The following CHST11 variants were observed in gnomAD, a reference collection of about 807,000 sequenced individuals.
CHST11 encodes C4S-1.
In CHST11, 9 loss-of-function variants were observed where a neutral mutation model predicts 30.4. The observed-to-expected ratio is 0.30, with a 90% CI of 0.18 to 0.52. The LOEUF (loss-of-function observed/expected upper bound fraction) is 0.52, where lower values mean the gene tolerates loss of function less well. CHST11 is among the 20% of genes least tolerant of loss of function. The pLI, the probability that CHST11 is intolerant of heterozygous loss-of-function variation, is 0.97. For synonymous variants in CHST11, 152 were observed against 187.8 expected, an observed-to-expected ratio of 0.81 and a Z score of 1.56; for missense variants, 348 against 460.6, an observed-to-expected ratio of 0.76 and a Z score of 2.24.
chr12:104,532,196 C>T (rs1160115193), intron 1 of CHST11, among the ~76,000 whole-genome samples: 2 of 152,176 alleles, frequency 1.3e-5, no homozygotes, highest in African/African-American at 4.8e-5. Flanking sequence ...TTGAAGTTGC[C>T]CATGTCATGG....
chr12:104,545,631 A>G (rs768233082), intron 1 of CHST11, among the ~76,000 whole-genome samples: 1 of 152,200 alleles, frequency 6.6e-6, no homozygotes, highest in Non-Finnish European at 1.5e-5. Context: ...GCTGTAACAA[A>G]CAAAGGCACG....
At chr12:104,619,381 CA>C (rs2136059262) in intron 2 of CHST11, among the ~76,000 whole-genome samples, 1 of 152,228 alleles carries the variant, frequency 6.6e-6, no homozygotes, top group South Asian at 2.1e-4. Flanking sequence ...ATTTTCCGGA[CA>C]CACACAAAAA....
At chr12:104,472,181 C>T (rs913208392) in intron 1 of CHST11, among the ~76,000 whole-genome samples, 1 of 147,456 alleles carries the variant, frequency 6.8e-6, no homozygotes, top group Non-Finnish European at 1.5e-5. Context: ...AGTTATGTTG[C>T]CCAGGCTGGT....
At chr12:104,755,913 C>T (rs114321177) in intron 2 of CHST11, among the ~76,000 whole-genome samples, 3 of 62,964 alleles carry the variant, frequency 4.8e-5, no homozygotes, top group Non-Finnish European at 7.7e-5. Context: ...TTCTCGGGAC[C>T]CCCCCCTCCG....
intron 1 of CHST11, chr12:104,514,223 A>G: frequency 2.3e-6 from 2 of 883,264 alleles, no homozygotes; most frequent in Admixed American, 3.4e-5. Flanking sequence ...ACATTGACAC[A>G]GCAGCCAAGT....
chr12:104,661,957 T>A (rs559214113), intron 2 of CHST11, among the ~76,000 whole-genome samples: 366 of 152,368 alleles, frequency 2.4e-3, no homozygotes, highest in African/African-American at 8.4e-3. Context: ...AAGAAGATGT[T>A]ACTTTTAATT....
chr12:104,614,681 G>A (rs924764977), intron 2 of CHST11, among the ~76,000 whole-genome samples: 3 of 136,562 alleles, frequency 2.2e-5, no homozygotes, highest in Admixed American at 7.6e-5. Flanking sequence ...GCATGTGTGT[G>A]TGCATGCATG....
intron 2 of CHST11, among the ~76,000 whole-genome samples, chr12:104,756,255 G>A (rs536667936): frequency 1.0e-3 from 159 of 152,370 alleles, no homozygotes; most frequent in African/African-American, 3.7e-3. Flanking sequence ...TGCTGGAGAC[G>A]CAGGTGGTGG....
At chr12:104,609,262 G>C (rs1197709250) in intron 2 of CHST11, among the ~76,000 whole-genome samples, 1 of 152,212 alleles carries the variant, frequency 6.6e-6, no homozygotes, top group Non-Finnish European at 1.5e-5. Context: ...TAATTGATTT[G>C]GTTGTAGACC....
intron 2 of CHST11, among the ~76,000 whole-genome samples, chr12:104,736,144 G>A (rs994376332): frequency 1.3e-5 from 2 of 152,168 alleles, no homozygotes; most frequent in African/African-American, 4.8e-5. Context: ...AATGTCCAAC[G>A]GGAAGGTGAG....
chr12:104,507,110 C>G (rs1282385705), intron 1 of CHST11, among the ~76,000 whole-genome samples: 1 of 152,188 alleles, frequency 6.6e-6, no homozygotes, highest in Non-Finnish European at 1.5e-5. Flanking sequence ...AGGGTCTGAG[C>G]TGTGACGGTT....
intron 2 of CHST11, among the ~76,000 whole-genome samples, chr12:104,671,433 C>T (rs1375615787): frequency 6.6e-6 from 1 of 152,200 alleles, no homozygotes; most frequent in Non-Finnish European, 1.5e-5. Context: ...AGGAGAGCCA[C>T]ATCAAGTGCT....
chr12:104,618,474 G>A (rs1042969735), intron 2 of CHST11, among the ~76,000 whole-genome samples: 2 of 150,932 alleles, frequency 1.3e-5, no homozygotes, highest in East Asian at 3.9e-4. Context: ...GGGTCAAGTA[G>A]TTCTCCTGCG....
At position 104,761,927 on chromosome 12, in the gene CHST11, G is replaced by A. The variant is rs1227744505; in HGVS notation, c.*4124G>A. On this transcript the variant is annotated 3_prime_UTR_variant, in exon 3 of 3. Coordinates refer to ENST00000303694, the MANE Select transcript of CHST11 (RefSeq NM_018413.6). The stretch of plus-strand genomic sequence containing the variant: ...AATTCCACATTGCCAACAAAAGCGT[G>A]AAAATGTTCATGAACCTTCCTCCAG... 6.6e-6 allele frequency: 1 copy of A among 152,194 alleles called. No homozygotes were observed. The highest frequency in any genetic ancestry group is 1.5e-5 in the Non-Finnish European group (1 of 68,050). The allele number at this position is 152,194 out of a possible 1,614,324, so 9.4% of individuals were successfully genotyped here.
chr12:104,592,841 G>C (rs888074754), intron 1 of CHST11, among the ~76,000 whole-genome samples: 2 of 152,186 alleles, frequency 1.3e-5, no homozygotes, highest in African/African-American at 2.4e-5. Context: ...TAGGCATGCT[G>C]TCTGGGCATG....
chr12:104,489,680 G>C (rs1490614328), intron 1 of CHST11, among the ~76,000 whole-genome samples: 1 of 151,120 alleles, frequency 6.6e-6, no homozygotes, highest in Non-Finnish European at 1.5e-5. Flanking sequence ...GGCCAGGATG[G>C]TCTCAATCTC....
rs145050930 is a variant in CHST11, at chr12:104,691,512, G to A, written c.205-65437G>A. The stretch of plus-strand genomic sequence containing the variant: ...CAATTTTTTTTTTTTTTTTTGAGAT[G>A]GAGTCTCACTCTGTCGCTAGGCTGG... On this transcript the variant is annotated intron_variant, in intron 2 of 2. Coordinates refer to ENST00000303694, the MANE Select transcript of CHST11 (RefSeq NM_018413.6). Among the ~76,000 whole-genome samples the A allele has an allele frequency of 6.5e-3, 923 of 143,042 alleles. 8 individuals carry two copies. The highest frequency in any genetic ancestry group is 0.024 in the African/African-American group (891 of 37,424). The allele number at this position is 143,042 out of a possible 152,430, so 93.8% of individuals were successfully genotyped here. A position where few individuals can be genotyped will look rare whatever the true frequency, so the allele number is the denominator to read the frequency against.
chr12:104,544,565 G>T (rs1199002666), intron 1 of CHST11, among the ~76,000 whole-genome samples: 1 of 151,792 alleles, frequency 6.6e-6, no homozygotes, highest in African/African-American at 2.4e-5. Flanking sequence ...AAATTAGCTG[G>T]GTGTCATGGC....
At chr12:104,605,930 C>A (rs1055400283) in intron 2 of CHST11, among the ~76,000 whole-genome samples, 32 of 152,296 alleles carry the variant, frequency 2.1e-4, no homozygotes, top group Admixed American at 1.4e-3. Context: ...CTGAAATCTT[C>A]ACAACATCAT....
Sources: allele counts gnomAD v4.1 joint callset (sites outside exome capture counted in the v4.1 genomes callset), GRCh38; gene constraint gnomAD v4.1.1; transcripts MANE v1.5; gene names NCBI Gene and HGNC (gene_info 2026-07-23, HGNC 2026-07-21).